Variants in IL17D observed in about 807,000 individuals in gnomAD.
The protein encoded by IL17D is interleukin 17D.
A neutral mutation model predicts 5.7 loss-of-function variants in IL17D; 10 were observed. The observed-to-expected ratio is 1.75, with a 90% CI of 1.08 to 2.97. IL17D has a LOEUF of 2.97. Among genes scored for constraint, IL17D ranks in the 30% most tolerant of loss-of-function variants. The pLI, the probability that IL17D is intolerant of heterozygous loss-of-function variation, is 0.00. For synonymous variants in IL17D, 172 were observed against 141.7 expected (o/e 1.21, Z -1.52); for missense variants, 354 against 292.7 (o/e 1.21, Z -1.53).
At position 20,703,913 on chromosome 13, in the gene IL17D, G is replaced by T. The variant is rs866555023; in HGVS notation, c.-89G>T. On this transcript the variant is annotated 5_prime_UTR_variant, in exon 1 of 2. Coordinates refer to ENST00000682841, the MANE Select transcript of IL17D (RefSeq NM_001385224.1). ...GCGAGGGGAGGCGCCCGCCGGCTCC[G>T]GGCGCCGCGGGCGGGACACGGGCGC... The T allele has an allele frequency of 8.1e-6, 6 of 739,324 alleles. 1 individual carries two copies. The South Asian group carries it at 1.8e-4, about 22-fold the overall frequency. 45.8% of individuals were successfully genotyped at this position (739,324 alleles called of 1,614,324 possible).
Position 20,704,070 on chromosome 13 carries a change from G to T in IL17D, c.69G>T (p.Arg23Ser). The T allele has an allele frequency of 9.1e-7, 1 of 1,102,330 alleles. No homozygotes were observed. The highest frequency in any genetic ancestry group is 1.1e-6 in the Non-Finnish European group (1 of 910,172). 68.3% of individuals were successfully genotyped at this position (1,102,330 alleles called of 1,614,324 possible). A position where few individuals can be genotyped will look rare whatever the true frequency, so the allele number is the denominator to read the frequency against. ...SWAAGAPRAGRRPARPRGCAD... is the reference protein window; with the variant it reads ...SWAAGAPRAGSRPARPRGCAD... ...CCGCGGGCGCCCCGAGGGCGGGCAG[G>T]CGCCCCGCGCGGCCGCGGGGCTGCG... is the stretch of plus-strand genomic sequence containing the variant. Residue 23 changes from arginine (R) to serine (S), a missense_variant, in exon 1 of 2, where the codon AGG becomes AGT. Coordinates refer to ENST00000682841, the MANE Select transcript of IL17D (RefSeq NM_001385224.1).
intron 1 of IL17D, among the ~76,000 whole-genome samples, chr13:20,715,311 C>T (rs2058670716): frequency 6.6e-6 from 1 of 152,154 alleles, no homozygotes; most frequent in Non-Finnish European, 1.5e-5. Flanking sequence ...ATTTGTGTGC[C>T]TCCAGGGAAG....
intron 1 of IL17D, among the ~76,000 whole-genome samples, chr13:20,715,793 G>T (rs1454527087): frequency 1.3e-5 from 2 of 151,860 alleles, no homozygotes; most frequent in Admixed American, 1.3e-4. Flanking sequence ...ACCCAGACTG[G>T]AGTGCAGTGG....
Position 20,721,781 on chromosome 13 carries a change from A to AC in IL17D, c.441dup (p.Ala148ArgfsTer86). ...CATGCCCACCGTCGTCCTGCGCCGC[A>AC]CCCCCGCCTGCGCCGGCGGCCGTTC... On this transcript the variant is annotated frameshift_variant, in exon 2 of 2. Coordinates refer to ENST00000682841, the MANE Select transcript of IL17D (RefSeq NM_001385224.1). LOFTEE classifies it low-confidence loss of function (END_TRUNC). 2 of 1,605,012 alleles carry AC rather than the reference A, an allele frequency of 1.2e-6. No homozygotes were observed. Among genetic ancestry groups the AC allele is most frequent in the Non-Finnish European group, 1.7e-6 (2 of 1,178,920 alleles).
rs762611149 is a variant in IL17D, at chr13:20,721,739, C to T, written c.394C>T (p.Arg132Cys). ...GLFGEEDVRF[R>C]SAPVYMPTVV... ...GTTCGGCGAGGAGGACGTGCGCTTC[C>T]GCAGCGCCCCTGTCTACATGCCCAC... Residue 132 changes from arginine (R) to cysteine (C), a missense_variant, in exon 2 of 2, where the codon CGC becomes TGC. Coordinates refer to ENST00000682841, the MANE Select transcript of IL17D (RefSeq NM_001385224.1). 2.1e-5 allele frequency: 34 copies of T among 1,610,706 alleles called. No individual in the cohort carries two copies. Among genetic ancestry groups the T allele is most frequent in the Non-Finnish European group, 2.9e-5 (34 of 1,179,510 alleles).
chr13:20,703,927 G>C lies in IL17D; in HGVS notation c.-75G>C. ...CCGCCGGCTCCGGGCGCCGCGGGCG[G>C]GACACGGGCGCGGGGCGCAGGCGGG... On this transcript the variant is annotated 5_prime_UTR_variant, in exon 1 of 2. Coordinates refer to ENST00000682841, the MANE Select transcript of IL17D (RefSeq NM_001385224.1). 1 of 858,762 alleles carries C rather than the reference G, an allele frequency of 1.2e-6. No homozygotes were observed. The highest frequency in any genetic ancestry group is 1.4e-6 in the Non-Finnish European group (1 of 714,686). 53.2% of individuals were successfully genotyped at this position (858,762 alleles called of 1,614,324 possible).
At chr13:20,718,617 G>GC (rs137964252) in intron 1 of IL17D, among the ~76,000 whole-genome samples, 3,704 of 76,362 alleles carry the variant, frequency 0.049, 198 homozygotes, top group African/African-American at 0.14. Context: ...AGACACACCT[G>GC]CCCCCCACAC....
intron 1 of IL17D, among the ~76,000 whole-genome samples, chr13:20,709,140 CTT>C (rs61612538): frequency 1.7e-3 from 227 of 137,226 alleles, no homozygotes; most frequent in Non-Finnish European, 2.1e-3. Context: ...CTAAGAAGCC[CTT>C]TTTTTTTTTT....
rs1257143726 is a variant in IL17D, at chr13:20,722,466, A to G, written c.*512A>G. On this transcript the variant is annotated 3_prime_UTR_variant, in exon 2 of 2. Transcript: ENST00000682841. ...GCTACTCTGTTACATTTCTTAACAT[A>G]TAAACATCGTTTTTTACTTCTTCTG... 1.3e-5 allele frequency: 2 copies of G among 152,608 alleles called. No homozygotes were observed. The highest frequency in any genetic ancestry group is 2.9e-5 in the Non-Finnish European group (2 of 68,298). 9.5% of individuals were successfully genotyped at this position (152,608 alleles called of 1,614,324 possible).
At chr13:20,704,520 TGGGGTGCGAGGGGCGCTGCGATGAGGC>T (rs1270856704) in intron 1 of IL17D, among the ~76,000 whole-genome samples, 1 of 8,752 alleles carries the variant, frequency 1.1e-4, no homozygotes, top group Non-Finnish European at 2.1e-4. Context: ...TAGGGTGGGG[TGGGGTGCGAGGGGCGCTGCGATGAGGC>T]GGGGTGGGGC....
chr13:20,718,145 G>A (rs1027972324), intron 1 of IL17D, among the ~76,000 whole-genome samples: 2 of 151,984 alleles, frequency 1.3e-5, no homozygotes, highest in African/African-American at 4.8e-5. Context: ...GCACATCCTC[G>A]GTACTGTTCT....
intron 1 of IL17D, 121 bp from the exon 2 acceptor site, chr13:20,721,515 C>T: frequency 1.3e-6 from 1 of 769,548 alleles, no homozygotes; most frequent in Non-Finnish European, 2.0e-6. Context: ...CGCACGCACG[C>T]GCCCGCAGGC....
Position 20,721,815 on chromosome 13 carries a change from C to G in IL17D, c.470C>G (p.Thr157Ser). The G allele has an allele frequency of 6.2e-7, 1 of 1,610,412 alleles. No individual in the cohort carries two copies. The highest frequency in any genetic ancestry group is 8.5e-7 in the Non-Finnish European group (1 of 1,179,818). Residue 157 changes from threonine (T) to serine (S), a missense_variant, in exon 2 of 2, where the codon ACC becomes AGC. Coordinates refer to ENST00000682841, the MANE Select transcript of IL17D (RefSeq NM_001385224.1). ...PACAGGRSVY[T>S]EAYVTIPVGC... Reference sequence around the variant, plus strand: ...TGCGCCGGCGGCCGTTCCGTCTACACCGAGGCCTACGTCACCATCCCCGTG... The same window carrying G: ...TGCGCCGGCGGCCGTTCCGTCTACAGCGAGGCCTACGTCACCATCCCCGTG...
At chr13:20,708,737 C>T (rs1049625289) in intron 1 of IL17D, among the ~76,000 whole-genome samples, 8 of 150,416 alleles carry the variant, frequency 5.3e-5, no homozygotes, top group African/African-American at 1.2e-4. Context: ...CGGTGGCTCA[C>T]GCCTGTAATC....
intron 1 of IL17D, among the ~76,000 whole-genome samples, chr13:20,718,894 TCA>T (rs371912785): frequency 4.1e-4 from 38 of 92,936 alleles, no homozygotes; most frequent in South Asian, 1.6e-3. Flanking sequence ...CTGCCCGTGC[TCA>T]CACACCCGCC....
At chr13:20,703,152 ACAGGCCCTGAGCGCGCGACCC>A (rs1275289810), upstream of IL17D, 52 of 352,900 alleles carry the variant, frequency 1.5e-4, no homozygotes, top group Non-Finnish European at 2.0e-4. Flanking sequence ...GTGGCGCAGC[ACAGGCCCTGAGCGCGCGACCC>A]CAGGCCCTGG....
chr13:20,717,873 A>T (rs939618262), intron 1 of IL17D, among the ~76,000 whole-genome samples: 9 of 152,026 alleles, frequency 5.9e-5, no homozygotes, highest in African/African-American at 2.2e-4. Context: ...TGAAACTCTG[A>T]CCCTCACCGC....
chr13:20,710,342 A>C (rs534241394), intron 1 of IL17D, among the ~76,000 whole-genome samples: 1 of 151,776 alleles, frequency 6.6e-6, no homozygotes, highest in Non-Finnish European at 1.5e-5. Context: ...GGCTGGGCGC[A>C]GTGGCTCACA....
intron 1 of IL17D, chr13:20,713,821 A>G (rs2058658905): frequency 6.6e-6 from 1 of 152,288 alleles, no homozygotes; most frequent in Non-Finnish European, 1.5e-5. Context: ...TGCTCACTAA[A>G]TAAGAGGCCA....
Sources: allele counts gnomAD v4.1 joint callset (sites outside exome capture counted in the v4.1 genomes callset), GRCh38; gene constraint gnomAD v4.1.1; transcripts MANE v1.5; gene names NCBI Gene and HGNC (gene_info 2026-07-23, HGNC 2026-07-21).